The following TBL3 variants were observed in gnomAD, a reference collection of about 807,000 sequenced individuals.
TBL3 encodes transducin beta like 3.
Under a neutral mutation model 102.7 loss-of-function variants are expected in TBL3, and 71 were observed. That is an observed-to-expected ratio of 0.69 (90% confidence interval 0.57 to 0.84). The LOEUF is 0.84. Ranked by LOEUF, TBL3 falls within the 40% of genes least tolerant of loss-of-function variation. The probability of loss-of-function intolerance (pLI) is 0.00; values close to 1 mark genes in which losing one functional copy is unlikely to be tolerated. For missense variants in TBL3, 1,188 were observed against 1,098.5 expected, an observed-to-expected ratio of 1.08 and a Z score of -1.15; for synonymous variants, 578 against 477.7, an observed-to-expected ratio of 1.21 and a Z score of -2.74.
At chr16:1,975,975 C>T (rs1415750065) in intron 11 of TBL3, 26 bp downstream of exon 11, 3 of 1,613,972 alleles carry the variant, frequency 1.9e-6, no homozygotes, top group Admixed American at 1.7e-5. Flanking sequence ...CCACCTGACA[C>T]CCTGGGAGCC....
In TBL3 at chr16:1,976,072, G is replaced by A; in HGVS notation, c.1146G>A (p.Leu382=). ...ACATCTCAGATATCGTCCTGGCCCTGGATGTGTTCCGGAAGGGGTGGCTCT... is the reference window on the plus strand; with the variant it reads ...ACATCTCAGATATCGTCCTGGCCCTAGATGTGTTCCGGAAGGGGTGGCTCT... ...LHGHTDIVLA[L]DVFRKGWLFA... is the part of the protein sequence containing the mutation. Residue 382 remains leucine (L), a synonymous_variant, in exon 12 of 22, where the codon CTG becomes CTA. Transcript: ENST00000568546. The A allele has an allele frequency of 6.2e-7, 1 of 1,614,214 alleles. No homozygotes were observed. The highest frequency in any genetic ancestry group is 8.5e-7 in the Non-Finnish European group (1 of 1,180,044).
In TBL3 at chr16:1,978,723, G is replaced by A. The variant is rs1430105600; in HGVS notation, c.*38G>A. ...CTCTCCAGTCCATCCTGAACCCCTG[G>A]AAAACCCATAAAGGCCGCTCTCCTG... On this transcript the variant is annotated 3_prime_UTR_variant, in exon 22 of 22. Transcript: ENST00000568546. 6.3e-7 allele frequency: 1 copy of A among 1,587,168 alleles called. No homozygotes were observed.
rs757510934 is a variant in TBL3 at position 1,974,576 on chromosome 16, G to A, written c.276G>A (p.Gln92=). Residue 92 remains glutamine (Q), a synonymous_variant, in exon 5 of 22, where the codon CAG becomes CAA. Transcript: ENST00000568546. ...VTASRALLLA[Q]WAWQEGSVTR... ...CCAGTCGGGCATTGCTGCTGGCTCAGTGGGCCTGGCAAGAGGGCAGCGTTA... is the reference window on the plus strand; with the variant it reads ...CCAGTCGGGCATTGCTGCTGGCTCAATGGGCCTGGCAAGAGGGCAGCGTTA... 1.9e-6 allele frequency: 3 copies of A among 1,610,978 alleles called. No homozygotes were observed. Among genetic ancestry groups the A allele is most frequent in the South Asian group, 1.1e-5 (1 of 90,946 alleles).
rs752793736 is a variant in TBL3 at position 1,979,876 on chromosome 16, C to T, written c.*1191C>T. 4 of 1,582,074 alleles carry T rather than the reference C, an allele frequency of 2.5e-6. No individual in the cohort carries two copies. In the East Asian group the frequency reaches 9.3e-5, roughly 37 times the overall value. On this transcript the variant is annotated 3_prime_UTR_variant, in exon 22 of 22. Coordinates refer to ENST00000568546, the MANE Select transcript of TBL3 (RefSeq NM_006453.3). Reference sequence around the variant, plus strand: ...GGGCGCTGGAAACCAGGCGGTCTGCCGGTCTTCGTTCTCCACCAGCCACCA... The same window carrying T: ...GGGCGCTGGAAACCAGGCGGTCTGCTGGTCTTCGTTCTCCACCAGCCACCA...
rs753468869 is a variant in TBL3, at chr16:1,981,130, T to G, written c.*2445T>G. 5.6e-6 allele frequency: 9 copies of G among 1,613,514 alleles called. No individual in the cohort carries two copies. The South Asian group carries it at 9.9e-5, about 18-fold the overall frequency. On this transcript the variant is annotated 3_prime_UTR_variant, in exon 22 of 22. Transcript: ENST00000568546. ...AGGTCTTACTTGGAGCCTCTTGATC[T>G]GCACCAGGGCTGCCCCTTGCACTGA...
At position 1,975,364 on chromosome 16, in the gene TBL3, T is replaced by C. The variant is rs2083392409; in HGVS notation, c.731T>C (p.Leu244Pro). ...CTCCAGAGCGTGGAGGCTGCTGTGC[T>C]GTTGCCAGAGGAGCCAGTGTCCCAG... ...PVFESVEAAV[L>P]LPEEPVSQLG... Residue 244 changes from leucine to proline, a missense_variant, in exon 9 of 22, where the codon CTG becomes CCG. By Grantham distance (98) the Leu-to-Pro change is moderately conservative. Transcript: ENST00000568546. 6.2e-7 allele frequency: 1 copy of C among 1,613,914 alleles called. No individual in the cohort carries two copies. The highest frequency in any genetic ancestry group is 1.1e-5 in the South Asian group (1 of 91,086).
Position 1,975,098 on chromosome 16 carries a change from G to C in TBL3, c.635G>C (p.Ser212Thr), listed in dbSNP as rs2083389516. ...AGCGCCGACGGCCACACCATGCTCA[G>C]GTCAGCAGTGGGCCCTGGTAGGAGG... ...AFSADGHTML[S>T]SGRDKICIIW... is the part of the protein sequence containing the mutation. The change falls in exon 7 of 22, where the codon AGC becomes ACC. Residue 212 changes from serine (S) to threonine (T), a missense_variant and splice_region_variant. Ser to Thr is a moderately conservative substitution (Grantham distance 58, BLOSUM62 1). Transcript: ENST00000568546. The C allele has an allele frequency of 6.2e-7, 1 of 1,611,676 alleles. No homozygotes were observed. Among genetic ancestry groups the C allele is most frequent in the Non-Finnish European group, 8.5e-7 (1 of 1,179,974 alleles).
Position 1,978,422 on chromosome 16 carries a change from G to A in TBL3, c.2244G>A (p.Leu748=). The A allele has an allele frequency of 3.1e-6, 5 of 1,610,892 alleles. No individual in the cohort carries two copies. The highest frequency in any genetic ancestry group is 3.4e-6 in the Non-Finnish European group (4 of 1,178,794). Reference sequence around the variant, plus strand: ...GGCGAGAGGCCCCCGAGGAGCTGCTGGCCTACGAAGGCGTGCGGGCAGCGC... The same window carrying A: ...GGCGAGAGGCCCCCGAGGAGCTGCTAGCCTACGAAGGCGTGCGGGCAGCGC... ...LLRREAPEEL[L]AYEGVRAALE... Residue 748 remains leucine (L), a synonymous_variant, in exon 21 of 22, where the codon CTG becomes CTA. Coordinates refer to ENST00000568546, the MANE Select transcript of TBL3 (RefSeq NM_006453.3).
rs1274109077 is a variant in TBL3, at chr16:1,975,837, T to C, written c.1017T>C (p.Asp339=). The stretch of plus-strand genomic sequence containing the variant: ...CTGGCTACAGTGAGGAGGTTTTGGA[T>C]GTCCGGTTTCTTGGGCCCGAGGACT... ...QFAGYSEEVL[D]VRFLGPEDSH... The change falls in exon 11 of 22, where the codon GAT becomes GAC. Residue 339 remains aspartate, a synonymous_variant. Coordinates refer to ENST00000568546, the MANE Select transcript of TBL3 (RefSeq NM_006453.3). 3.7e-6 allele frequency: 6 copies of C among 1,614,074 alleles called. No homozygotes were observed. Among genetic ancestry groups the C allele is most frequent in the East Asian group, 4.5e-5 (2 of 44,898 alleles).
In TBL3 at chr16:1,975,105, A is replaced by G. The variant is rs766044530; in HGVS notation, c.635+7A>G. The stretch of plus-strand genomic sequence containing the variant: ...ACGGCCACACCATGCTCAGGTCAGC[A>G]GTGGGCCCTGGTAGGAGGGGGAGGC... On this transcript the variant is annotated splice_region_variant and intron_variant, in intron 7 of 21. Coordinates refer to ENST00000568546, the MANE Select transcript of TBL3 (RefSeq NM_006453.3). The G allele has an allele frequency of 1.9e-6, 3 of 1,612,250 alleles. No homozygotes were observed. The South Asian group carries it at 3.3e-5, about 18-fold the overall frequency.
rs144580351 is a variant in TBL3 at position 1,978,006 on chromosome 16, G to A, written c.2007G>A (p.Ala669=). The A allele has an allele frequency of 1.8e-4, 287 of 1,606,950 alleles. 1 individual carries two copies. Among genetic ancestry groups the A allele is most frequent in the Non-Finnish European group, 2.2e-4 (261 of 1,176,660 alleles). Residue 669 remains alanine (A), a synonymous_variant, in exon 19 of 22, where the codon GCG becomes GCA. Transcript: ENST00000568546. ...NLLHEKRYLR[A]LGLAISLDRP... ...TGCATGAGAAGCGGTACCTGCGGGC[G>A]CTGGGCCTGGCCATCTCCCTGGATC...
At position 1,977,440 on chromosome 16, in the gene TBL3, G is replaced by C. The variant is rs755479869; in HGVS notation, c.1742+14G>C. Reference sequence around the variant, plus strand: ...GCTGCTGTCCAGGTGAGTGGGCTGGGGTGGGGCAGCGATGGAGTGGGGGGT... The same window carrying C: ...GCTGCTGTCCAGGTGAGTGGGCTGGCGTGGGGCAGCGATGGAGTGGGGGGT... On this transcript the variant is annotated intron_variant, in intron 16 of 21. Transcript: ENST00000568546. 6.2e-7 allele frequency: 1 copy of C among 1,612,456 alleles called. No homozygotes were observed. Among genetic ancestry groups the C allele is most frequent in the African/African-American group, 1.3e-5 (1 of 74,924 alleles).
At position 1,975,809 on chromosome 16, in the gene TBL3, TC is replaced by T. The variant is rs1196290503; in HGVS notation, c.990del (p.Phe330LeufsTer30). On this transcript the variant is annotated frameshift_variant and splice_region_variant, in exon 11 of 22. Transcript: ENST00000568546. LOFTEE classifies it high-confidence loss of function. ...CTCCTGCTCCCTGCCACCCCGCAGTTCGCTGGCTACAGTGAGGAGGTTTTGG... is the reference window on the plus strand; with the variant it reads ...CTCCTGCTCCCTGCCACCCCGCAGTTGCTGGCTACAGTGAGGAGGTTTTGG... ...EARSLRLQKQ[F>X]AGYSEEVLDV... 1 of 1,614,042 alleles carries T rather than the reference TC, an allele frequency of 6.2e-7. No homozygotes were observed. Among genetic ancestry groups the T allele is most frequent in the African/African-American group, 1.3e-5 (1 of 74,952 alleles).
rs774748981 is a variant in TBL3, at chr16:1,974,836, C to T, written c.453C>T (p.Pro151=). The T allele has an allele frequency of 2.6e-5, 42 of 1,613,084 alleles. No individual in the cohort carries two copies. Among genetic ancestry groups the T allele is most frequent in the South Asian group, 5.5e-5 (5 of 91,082 alleles). Residue 151 remains proline (P), a synonymous_variant, in exon 6 of 22, where the codon CCC becomes CCT. Transcript: ENST00000568546. ...GGACACACCACTTCCGAGGCTCGCCCGGTGTCGTGCAGTGAGTTGGAAGGT... is the reference window on the plus strand; with the variant it reads ...GGACACACCACTTCCGAGGCTCGCCTGGTGTCGTGCAGTGAGTTGGAAGGT... The part of the protein sequence containing the change: ...HYGTHHFRGS[P]GVVHLVAFHP...
intron 5 of TBL3, 32 bp downstream of exon 5, chr16:1,974,711 C>A: frequency 6.2e-7 from 1 of 1,611,784 alleles, no homozygotes. Flanking sequence ...GGGTCGTGGG[C>A]ACAGATGCAG....
At position 1,974,559 on chromosome 16, in the gene TBL3, G is replaced by T; in HGVS notation, c.259G>T (p.Ala87Ser). The change falls in exon 5 of 22, where the codon GCA becomes TCA. Residue 87 changes from alanine (A) to serine (S), a missense_variant. By Grantham distance (99) the Ala-to-Ser change is moderately conservative. Coordinates refer to ENST00000568546, the MANE Select transcript of TBL3 (RefSeq NM_006453.3). ...DNEVLVTASR[A>S]LLLAQWAWQE... Reference sequence around the variant, plus strand: ...CCAGGTGCTGGTGACAGCCAGTCGGGCATTGCTGCTGGCTCAGTGGGCCTG... The same window carrying T: ...CCAGGTGCTGGTGACAGCCAGTCGGTCATTGCTGCTGGCTCAGTGGGCCTG... 1.2e-6 allele frequency: 2 copies of T among 1,609,456 alleles called. No homozygotes were observed. The highest frequency in any genetic ancestry group is 8.5e-7 in the Non-Finnish European group (1 of 1,177,078).
At chr16:1,977,019 G>C (rs987603061) in intron 14 of TBL3, 35 bp from the exon 15 acceptor site, 6 of 1,612,258 alleles carry the variant, frequency 3.7e-6, no homozygotes, top group Middle Eastern at 1.6e-4. Context: ...GGGAAGATGG[G>C]GGATTGCTGA....
Position 1,977,346 on chromosome 16 carries a change from CA to C in TBL3, c.1672-9del. On this transcript the variant is annotated splice_polypyrimidine_tract_variant and intron_variant, in intron 15 of 21. Transcript: ENST00000568546. ...TGGTGACATCTCATGCCCTACCCCC[CA>C]CCTTGCAGACATTTGAGGGGCACGA... 2 of 1,613,538 alleles carry C rather than the reference CA, an allele frequency of 1.2e-6. No homozygotes were observed. The highest frequency in any genetic ancestry group is 8.5e-7 in the Non-Finnish European group (1 of 1,180,004).
chr16:1,974,240 G>C lies in TBL3; in HGVS notation c.137G>C (p.Arg46Thr). 6.2e-7 allele frequency: 1 copy of C among 1,604,344 alleles called. No individual in the cohort carries two copies. The highest frequency in any genetic ancestry group is 1.3e-5 in the African/African-American group (1 of 74,912). Residue 46 changes from arginine (R) to threonine (T), a missense_variant, in exon 3 of 22, where the codon AGA (arginine) becomes ACA (threonine). Coordinates refer to ENST00000568546, the MANE Select transcript of TBL3 (RefSeq NM_006453.3). ...GQHLFCVCGT[R>T]VNILEVASGA... ...CACCTCTTCTGCGTCTGTGGCACCA[G>C]AGTCAACATTCTGGAAGTGGCCTCG...
Sources: gnomAD v4.1 joint callset for allele counts on GRCh38, gnomAD v4.1.1 for gene constraint, MANE v1.5 for transcripts, NCBI Gene and HGNC (gene_info 2026-07-23, HGNC 2026-07-21) for gene names.